Variants in AAMDC observed in about 807,000 individuals in gnomAD.
The protein encoded by AAMDC is adipogenesis associated Mth938 domain containing.
In AAMDC, 16 loss-of-function variants were observed where a neutral mutation model predicts 15.5. That is an observed-to-expected ratio of 1.03 (90% CI 0.70 to 1.57). The LOEUF (loss-of-function observed/expected upper bound fraction) is 1.57. Ranked by LOEUF, AAMDC falls within the 40% of genes most tolerant of loss-of-function variation. The pLI is 0.00. For missense variants in AAMDC, 141 were observed against 144.9 expected, an observed-to-expected ratio of 0.97 and a Z score of 0.14; for synonymous variants, 51 against 51.6, an observed-to-expected ratio of 0.99 and a Z score of 0.05.
intron 2 of AAMDC, among the ~76,000 whole-genome samples, chr11:77,857,571 T>TTTTA (rs984768487): frequency 5.9e-5 from 9 of 152,128 alleles, no homozygotes; most frequent in East Asian, 1.9e-4. Context: ...GATTATTTTG[T>TTTTA]TTTATTTATT....
At chr11:77,869,851 AGG>A (rs1327789777) in intron 3 of AAMDC, 34 bp downstream of exon 3, 1 of 1,594,882 alleles carries the variant, frequency 6.3e-7, no homozygotes, top group Non-Finnish European at 8.6e-7. Flanking sequence ...TCCTGAGGAC[AGG>A]TGGGGATCTC....
At chr11:77,825,043 C>T (rs1949104835) in intron 1 of AAMDC, among the ~76,000 whole-genome samples, 2 of 152,222 alleles carry the variant, frequency 1.3e-5, no homozygotes, top group East Asian at 1.9e-4. Flanking sequence ...TGCAGTGACG[C>T]GATCTCAGCT....
At chr11:77,903,637 G>A, downstream of AAMDC, 2 of 1,602,200 alleles carry the variant, frequency 1.2e-6, no homozygotes, top group Non-Finnish European at 1.7e-6. Flanking sequence ...AGACAAATCA[G>A]GAGGGAACAG....
At position 77,898,023 on chromosome 11, in the gene AAMDC, G is replaced by A. The variant is rs370494680; in HGVS notation, c.329-2548G>A. Among the ~76,000 whole-genome samples, 39 of 152,096 alleles carry A rather than the reference G, an allele frequency of 2.6e-4. 1 individual carries two copies. In the South Asian group the frequency reaches 7.9e-3, roughly 31 times the overall value. On this transcript the variant is annotated intron_variant, in intron 5 of 5. Transcript: ENST00000304716. ...AGACAGGGTCTCATTATGTTGCTTA[G>A]GCTGGGGTCAAACTCCTGGCTGGAC... is the stretch of plus-strand genomic sequence containing the variant.
intron 5 of AAMDC, among the ~76,000 whole-genome samples, chr11:77,900,284 A>T (rs1023585874): frequency 6.6e-6 from 1 of 152,034 alleles, no homozygotes; most frequent in African/African-American, 2.4e-5. Context: ...TATTTTTAGT[A>T]GAGACAGGGT....
At chr11:77,896,745 C>G (rs1426113006) in intron 5 of AAMDC, among the ~76,000 whole-genome samples, 1 of 146,054 alleles carries the variant, frequency 6.8e-6, no homozygotes, top group African/African-American at 2.5e-5. Context: ...AAAATAGATC[C>G]AGAAAATCCA....
chr11:77,878,218 A>C (rs192000444), intron 5 of AAMDC, among the ~76,000 whole-genome samples: 100 of 152,030 alleles, frequency 6.6e-4, no homozygotes, highest in Middle Eastern at 3.4e-3. Context: ...AAAAATTAGC[A>C]AGGCGTGGTG....
At chr11:77,823,621 CAAAAAAAAA>C (rs397970373) in intron 1 of AAMDC, among the ~76,000 whole-genome samples, 2 of 97,646 alleles carry the variant, frequency 2.0e-5, no homozygotes, top group East Asian at 3.0e-4. Flanking sequence ...CACCCTGTCT[CAAAAAAAAA>C]AAAAAAAAAA....
At chr11:77,903,249 T>C (rs538007273), downstream of AAMDC, among the ~76,000 whole-genome samples, 2 of 152,350 alleles carry the variant, frequency 1.3e-5, no homozygotes, top group Admixed American at 1.3e-4. Context: ...TAGCCTGAAA[T>C]TAGGGAGGCC....
intron 1 of AAMDC, chr11:77,831,924 G>C (rs1949446947): frequency 7.1e-6 from 1 of 140,962 alleles, no homozygotes; most frequent in Non-Finnish European, 1.5e-5. Flanking sequence ...TGGCCAGTCT[G>C]GTCTTGAACT....
At chr11:77,904,004 G>T (rs1477808900), downstream of AAMDC, among the ~76,000 whole-genome samples, 1 of 152,166 alleles carries the variant, frequency 6.6e-6, no homozygotes, top group Non-Finnish European at 1.5e-5. Context: ...CTTAACTGTG[G>T]TTCTTTTTTC....
At chr11:77,878,070 A>G (rs1951648106) in intron 5 of AAMDC, among the ~76,000 whole-genome samples, 1 of 152,156 alleles carries the variant, frequency 6.6e-6, no homozygotes, top group South Asian at 2.1e-4. Flanking sequence ...AAGATCAAGA[A>G]TTTCCTTCAA....
At chr11:77,900,547 G>A in intron 5 of AAMDC, 1 of 667,088 alleles carries the variant, frequency 1.5e-6, no homozygotes, top group South Asian at 1.7e-5. Flanking sequence ...ATATCTCTAT[G>A]GCACTTTTTT....
intron 5 of AAMDC, chr11:77,883,797 A>AT: frequency 6.2e-7 from 1 of 1,608,230 alleles, no homozygotes; most frequent in Middle Eastern, 1.7e-4. Flanking sequence ...CTCCAGCAGC[A>AT]TATTTCCCTT....
chr11:77,874,796 G>T (rs541513852), downstream of AAMDC, among the ~76,000 whole-genome samples: 19 of 152,270 alleles, frequency 1.2e-4, no homozygotes, highest in South Asian at 3.9e-3. Context: ...CAGCGCTTTG[G>T]GAGGCCGAGG....
At chr11:77,883,380 A>C (rs980314503) in intron 5 of AAMDC, among the ~76,000 whole-genome samples, 4 of 152,184 alleles carry the variant, frequency 2.6e-5, no homozygotes, top group African/African-American at 9.6e-5. Context: ...CAATTCAGAC[A>C]TAAGTTGGCA....
downstream of AAMDC, among the ~76,000 whole-genome samples, chr11:77,876,524 C>G (rs776606985): frequency 6.6e-6 from 1 of 152,082 alleles, no homozygotes; most frequent in Non-Finnish European, 1.5e-5. Context: ...AGCCCAACCC[C>G]GATACGATAC....
intron 2 of AAMDC, among the ~76,000 whole-genome samples, chr11:77,867,283 T>A (rs1951163100): frequency 6.6e-6 from 1 of 150,556 alleles, no homozygotes; most frequent in South Asian, 2.1e-4. Context: ...ATCTCTACCA[T>A]TAGAAGGTAC....
At chr11:77,869,271 G>A in intron 2 of AAMDC, 1 of 172,734 alleles carries the variant, frequency 5.8e-6, no homozygotes. Flanking sequence ...CCTGTACTTG[G>A]AATGCCTTGT....
Sources: gnomAD v4.1 joint callset for allele counts (sites outside exome capture counted in the v4.1 genomes callset) on GRCh38, gnomAD v4.1.1 for gene constraint, MANE v1.5 for transcripts, NCBI Gene and HGNC (gene_info 2026-07-23, HGNC 2026-07-21) for gene names.